Variants in SERPINB13 observed in about 807,000 individuals in gnomAD.
SERPINB13 encodes serpin B13.
SERPINB13 carries 26 observed loss-of-function variants against 31.2 expected under a neutral mutation model. That is an observed-to-expected ratio of 0.83 (90% CI 0.61 to 1.15). The LOEUF (loss-of-function observed/expected upper bound fraction) is 1.15. SERPINB13 is among the 50% of genes most tolerant of loss of function. The pLI is 0.00. For missense variants in SERPINB13, 510 were observed against 469.4 expected (o/e 1.09, Z -0.80); for synonymous variants, 191 against 172.4 (o/e 1.11, Z -0.85).
At chr18:63,590,476 G>A (rs1367413005) in intron 3 of SERPINB13, among the ~76,000 whole-genome samples, 1 of 152,158 alleles carries the variant, frequency 6.6e-6, no homozygotes, top group Non-Finnish European at 1.5e-5. Context: ...AACCCCAAAA[G>A]GCTAGGTCGT....
At chr18:63,591,142 C>T (rs1450522241) in intron 3 of SERPINB13, among the ~76,000 whole-genome samples, 1 of 152,164 alleles carries the variant, frequency 6.6e-6, no homozygotes, top group Non-Finnish European at 1.5e-5. Flanking sequence ...CGCCCCCATC[C>T]TCTCCTCAGA....
intron 1 of SERPINB13, among the ~76,000 whole-genome samples, chr18:63,588,329 G>T (rs189817009): frequency 6.6e-6 from 1 of 152,338 alleles, no homozygotes; most frequent in Admixed American, 6.5e-5. Context: ...CTTCCATGAA[G>T]AGGAGGCTGT....
At chr18:63,595,671 G>T (rs897320794) in intron 7 of SERPINB13, among the ~76,000 whole-genome samples, 2 of 151,980 alleles carry the variant, frequency 1.3e-5, no homozygotes, top group African/African-American at 4.8e-5. Flanking sequence ...AGGCTGAGGC[G>T]GGCGGATCAC....
chr18:63,594,230 G>A (rs749856118), intron 5 of SERPINB13, 125 bp from the exon 6 acceptor site: 7 of 1,549,716 alleles, frequency 4.5e-6, no homozygotes, highest in African/African-American at 2.7e-5. Context: ...TTGTCAGCAA[G>A]GCCCTCAGGT....
Position 63,587,579 on chromosome 18 carries a change from A to G in SERPINB13, c.-18+129A>G. 3 of 396,470 alleles carry G rather than the reference A, an allele frequency of 7.6e-6. No individual in the cohort carries two copies. The Admixed American group carries it at 9.8e-5, about 13-fold the overall frequency. The allele number at this position is 396,470 out of a possible 1,614,324, so 24.6% of individuals were successfully genotyped here. The stretch of plus-strand genomic sequence containing the variant: ...TAGTTTTATTTAATTCAGTTCCAAC[A>G]TGGCCATGACAATGTATCTTCTTTG... On this transcript the variant is annotated intron_variant, in intron 1 of 7. Coordinates refer to ENST00000344731, the MANE Select transcript of SERPINB13 (RefSeq NM_012397.4).
At chr18:63,594,034 A>G (rs1160583751) in intron 5 of SERPINB13, 1 of 625,706 alleles carries the variant, frequency 1.6e-6, no homozygotes, top group Non-Finnish European at 2.8e-6. Context: ...AGATGTGGAA[A>G]CTGAGGCACA....
At position 63,596,856 on chromosome 18, in the gene SERPINB13, T is replaced by C. The variant is rs918200724; in HGVS notation, c.772-103T>C. On this transcript the variant is annotated intron_variant, in intron 7 of 7. Coordinates refer to ENST00000344731, the MANE Select transcript of SERPINB13 (RefSeq NM_012397.4). The stretch of plus-strand genomic sequence containing the variant: ...AGTGAAATAAAATTTCTACTTTTAA[T>C]ATTACTAAAATTAATAACTTCTGAC... The C allele has an allele frequency of 9.6e-6, 9 of 937,956 alleles. No individual in the cohort carries two copies. In the African/African-American group the frequency reaches 1.5e-4, roughly 16 times the overall value. 58.1% of individuals were successfully genotyped at this position (937,956 alleles called of 1,614,324 possible).
chr18:63,592,487 C>T lies in SERPINB13; in HGVS notation c.354+11C>T, dbSNP rs1423778973. On this transcript the variant is annotated intron_variant, in intron 4 of 7. Transcript: ENST00000344731. ...TACCTCTTCCTTCAAGTAAGTTTGCCATGCCTACCATATCTGTGAGTGGTA... is the reference window on the plus strand; with the variant it reads ...TACCTCTTCCTTCAAGTAAGTTTGCTATGCCTACCATATCTGTGAGTGGTA... 1.9e-6 allele frequency: 3 copies of T among 1,611,552 alleles called. No homozygotes were observed. The South Asian group carries it at 3.3e-5, about 18-fold the overall frequency.
At chr18:63,594,155 T>C in intron 5 of SERPINB13, 200 bp from the exon 6 acceptor site, 6 of 1,484,514 alleles carry the variant, frequency 4.0e-6, no homozygotes, top group Non-Finnish European at 5.4e-6. Flanking sequence ...CCTTAATTTA[T>C]CCACTGGGAT....
chr18:63,588,187 G>T (rs1232627693), intron 1 of SERPINB13, among the ~76,000 whole-genome samples: 1 of 152,186 alleles, frequency 6.6e-6, no homozygotes, highest in Non-Finnish European at 1.5e-5. Flanking sequence ...TTATTGCTAA[G>T]GTTGGATCTG....
Position 63,598,154 on chromosome 18 carries a change from T to A in SERPINB13, c.*791T>A, listed in dbSNP as rs1309290087. The A allele has an allele frequency of 6.6e-6, 1 of 150,936 alleles. No individual in the cohort carries two copies. The highest frequency in any genetic ancestry group is 1.5e-5 in the Non-Finnish European group (1 of 67,826). 9.3% of individuals were successfully genotyped at this position (150,936 alleles called of 1,614,324 possible). ...TGAGTGAGGTACGAGTATTACCAAA[T>A]GATATTTTCTGAAGATGCTTTTTGG... On this transcript the variant is annotated 3_prime_UTR_variant, in exon 8 of 8. Transcript: ENST00000344731.
rs1432151245 is a variant in SERPINB13 at position 63,596,994 on chromosome 18, G to A, written c.807G>A (p.Glu269=). ...IDKISPEKLV[E]WTSPGHMEER... ...AAATAAGTCCTGAGAAATTGGTAGA[G>A]TGGACTAGTCCAGGGCATATGGAAG... The change falls in exon 8 of 8, where the codon GAG becomes GAA. Residue 269 remains glutamate, a synonymous_variant. Transcript: ENST00000344731. 3 of 1,613,332 alleles carry A rather than the reference G, an allele frequency of 1.9e-6. No individual in the cohort carries two copies. Among genetic ancestry groups the A allele is most frequent in the Non-Finnish European group, 2.5e-6 (3 of 1,179,660 alleles).
Position 63,597,430 on chromosome 18 carries a change from T to G in SERPINB13, c.*67T>G. On this transcript the variant is annotated 3_prime_UTR_variant, in exon 8 of 8. Transcript: ENST00000344731. Reference sequence around the variant, plus strand: ...ACTACCAGTGTTACTCATATGATTATGAAAATCGTCCATTCTTTTAAATGT... The same window carrying G: ...ACTACCAGTGTTACTCATATGATTAGGAAAATCGTCCATTCTTTTAAATGT... 1 of 1,478,900 alleles carries G rather than the reference T, an allele frequency of 6.8e-7. No individual in the cohort carries two copies. Among genetic ancestry groups the G allele is most frequent in the Non-Finnish European group, 9.1e-7 (1 of 1,101,434 alleles). 91.6% of individuals were successfully genotyped at this position (1,478,900 alleles called of 1,614,324 possible). A position where few individuals can be genotyped will look rare whatever the true frequency, so the allele number is the denominator to read the frequency against.
At chr18:63,596,354 A>G (rs759209726) in intron 7 of SERPINB13, among the ~76,000 whole-genome samples, 22 of 152,228 alleles carry the variant, frequency 1.4e-4, no homozygotes, top group Non-Finnish European at 3.1e-4. Context: ...AGAAGAAAAA[A>G]GTTGCCTTTC....
At chr18:63,588,869 C>A in intron 2 of SERPINB13, 37 bp downstream of exon 2, 1 of 1,547,610 alleles carries the variant, frequency 6.5e-7, no homozygotes, top group Non-Finnish European at 8.7e-7. Context: ...GTTTCCTATG[C>A]ACAAATTCAT....
At position 63,588,651 on chromosome 18, in the gene SERPINB13, G is replaced by T. The variant is rs1316743861; in HGVS notation, c.-17G>T. 1 of 1,613,882 alleles carries T rather than the reference G, an allele frequency of 6.2e-7. No homozygotes were observed. Among genetic ancestry groups the T allele is most frequent in the Non-Finnish European group, 8.5e-7 (1 of 1,179,814 alleles). On this transcript the variant is annotated splice_region_variant and 5_prime_UTR_variant, in exon 2 of 8. Transcript: ENST00000344731. ...TTGATTGTTGTTCTTGCTATTCTAG[G>T]TCTCGCTAAAATCATCATGGATTCA...
chr18:63,596,385 G>A (rs766999458), intron 7 of SERPINB13, among the ~76,000 whole-genome samples: 1 of 151,990 alleles, frequency 6.6e-6, no homozygotes, highest in Non-Finnish European at 1.5e-5. Context: ...CAGTTATTTC[G>A]GTATTAAATA....
intron 6 of SERPINB13, among the ~76,000 whole-genome samples, 187 bp from the exon 7 acceptor site, chr18:63,594,842 C>G (rs1235604167): frequency 4.6e-5 from 7 of 151,826 alleles, no homozygotes; most frequent in Non-Finnish European, 7.4e-5. Context: ...CATCCCCCAC[C>G]CCCCCAAAAA....
chr18:63,593,821 G>A (rs962133418), intron 5 of SERPINB13, among the ~76,000 whole-genome samples: 2 of 152,118 alleles, frequency 1.3e-5, no homozygotes, highest in African/African-American at 4.8e-5. Context: ...GGGATGGGGT[G>A]AACTCAGAGA....
Sources: allele counts gnomAD v4.1 joint callset (sites outside exome capture counted in the v4.1 genomes callset), GRCh38; gene constraint gnomAD v4.1.1; transcripts MANE v1.5; gene names NCBI Gene and HGNC (gene_info 2026-07-23, HGNC 2026-07-21).